The following EYS variants were observed in gnomAD, a reference collection of about 807,000 sequenced individuals.
EYS encodes the protein protein eyes shut homolog.
A neutral mutation model predicts 282.1 loss-of-function variants in EYS; 250 were observed. The observed-to-expected ratio is 0.89, with a 90% CI of 0.80 to 0.98. The LOEUF is 0.98. Ranked by LOEUF, EYS falls within the 50% of genes least tolerant of loss-of-function variation. The pLI, the probability that EYS is intolerant of heterozygous loss-of-function variation, is 0.00. For synonymous variants in EYS, 1,355 were observed against 1,282.9 expected, an observed-to-expected ratio of 1.06 and a Z score of -1.20; for missense variants, 4,016 against 3,709.0, an observed-to-expected ratio of 1.08 and a Z score of -2.15.
chr6:64,520,620 C>CA (rs956906836), intron 26 of EYS, among the ~76,000 whole-genome samples: 39 of 150,148 alleles, frequency 2.6e-4, no homozygotes, highest in Non-Finnish European at 4.6e-4. Flanking sequence ...TTGAGAATGA[C>CA]AAAAAAAAAT....
At chr6:64,732,091 C>T (rs1469061593) in intron 22 of EYS, among the ~76,000 whole-genome samples, 1 of 151,846 alleles carries the variant, frequency 6.6e-6, no homozygotes, top group Non-Finnish European at 1.5e-5. Context: ...TGTTCTCACT[C>T]ATAAGTGGGA....
chr6:64,925,245 T>G (rs1308095206), intron 15 of EYS, among the ~76,000 whole-genome samples: 1 of 152,142 alleles, frequency 6.6e-6, no homozygotes. Flanking sequence ...ACTTAATCAC[T>G]ATCACAAGAA....
chr6:64,380,427 G>GA (rs1190104266), intron 29 of EYS, among the ~76,000 whole-genome samples: 2 of 151,998 alleles, frequency 1.3e-5, no homozygotes, highest in African/African-American at 4.8e-5. Flanking sequence ...ATTTTTCACA[G>GA]AAAAATAAGT....
intron 31 of EYS, among the ~76,000 whole-genome samples, chr6:64,220,511 C>G (rs1766067784): frequency 6.6e-6 from 1 of 152,128 alleles, no homozygotes; most frequent in Non-Finnish European, 1.5e-5. Flanking sequence ...GGGTAGTTCC[C>G]TTAGCTAAAC....
intron 13 of EYS, among the ~76,000 whole-genome samples, chr6:65,056,254 A>T (rs994962133): frequency 6.6e-6 from 1 of 151,168 alleles, no homozygotes; most frequent in Non-Finnish European, 1.5e-5. Flanking sequence ...TTCTGGCATT[A>T]CAATATTATT....
At chr6:65,407,744 C>T (rs1352567597) in intron 5 of EYS, among the ~76,000 whole-genome samples, 1 of 144,124 alleles carries the variant, frequency 6.9e-6, no homozygotes, top group African/African-American at 2.6e-5. Flanking sequence ...CTAATAAGTC[C>T]GTGTGTGTGT....
At chr6:65,261,324 T>A (rs753013571) in intron 12 of EYS, among the ~76,000 whole-genome samples, 14 of 151,908 alleles carry the variant, frequency 9.2e-5, no homozygotes, top group Non-Finnish European at 1.8e-4. Context: ...CATATATATG[T>A]CTGATATAAT....
chr6:64,721,953 T>C (rs1243015437), intron 22 of EYS, among the ~76,000 whole-genome samples: 1 of 152,150 alleles, frequency 6.6e-6, no homozygotes, highest in East Asian at 1.9e-4. Context: ...ATGCAGTCAG[T>C]TTATTCAAAC....
At chr6:65,276,206 C>A (rs1350746664) in intron 12 of EYS, among the ~76,000 whole-genome samples, 1 of 152,086 alleles carries the variant, frequency 6.6e-6, no homozygotes, top group African/African-American at 2.4e-5. Context: ...CTTTAGAAGG[C>A]TGTATATGCT....
Position 63,720,733 on chromosome 6 carries a change from T to TA in EYS, c.9297dup (p.Thr3100TyrfsTer6). On this transcript the variant is annotated frameshift_variant, in exon 43 of 43. Coordinates refer to ENST00000503581, the MANE Select transcript of EYS (RefSeq NM_001142800.2). LOFTEE classifies it high-confidence loss of function. ...AAATTGGTTTTAAAAATCTCTTGAG[T>TA]AACGATATTTACCTTTCTACCATAT... 6.5e-7 allele frequency: 1 copy of TA among 1,549,484 alleles called. No individual in the cohort carries two copies. The highest frequency in any genetic ancestry group is 8.7e-7 in the Non-Finnish European group (1 of 1,146,058).
chr6:64,421,967 T>A (rs1774250015), intron 28 of EYS, among the ~76,000 whole-genome samples: 2 of 151,526 alleles, frequency 1.3e-5, no homozygotes, highest in Admixed American at 1.3e-4. Context: ...AAGAAACATT[T>A]CACAACAACT....
chr6:64,150,121 G>A (rs1319708690), intron 31 of EYS, among the ~76,000 whole-genome samples: 1 of 152,160 alleles, frequency 6.6e-6, no homozygotes, highest in East Asian at 1.9e-4. Flanking sequence ...TGCAGTTTTA[G>A]CATCTCCTGG....
chr6:64,156,034 GTGTGTGTTTGTGTGTGTGTA>G (rs1353050134), intron 31 of EYS, among the ~76,000 whole-genome samples: 1 of 150,620 alleles, frequency 6.6e-6, no homozygotes, highest in Non-Finnish European at 1.5e-5. Context: ...GTGTGTGTGT[GTGTGTGTTTGTGTGTGTGTA>G]TGTGTGTATT....
chr6:65,607,037 TA>T (rs559637863), intron 2 of EYS, among the ~76,000 whole-genome samples: 1 of 151,788 alleles, frequency 6.6e-6, no homozygotes, highest in Non-Finnish European at 1.5e-5. Context: ...GAAAACTGAA[TA>T]ACTAATAAAA....
At chr6:64,198,635 T>C (rs1233777989) in intron 31 of EYS, among the ~76,000 whole-genome samples, 2 of 152,140 alleles carry the variant, frequency 1.3e-5, no homozygotes, top group African/African-American at 4.8e-5. Flanking sequence ...CTTCATCCAT[T>C]TCCCTGCAAA....
intron 22 of EYS, among the ~76,000 whole-genome samples, chr6:64,778,990 C>T (rs911808568): frequency 2.0e-5 from 3 of 152,106 alleles, no homozygotes; most frequent in Admixed American, 1.3e-4. Flanking sequence ...ACTGACAACA[C>T]CAAATACTGG....
At chr6:64,276,235 G>A (rs139182881) in intron 30 of EYS, among the ~76,000 whole-genome samples, 2 of 152,244 alleles carry the variant, frequency 1.3e-5, no homozygotes, top group African/African-American at 2.4e-5. Context: ...AAATAACTAA[G>A]CACTCAACCA....
intron 29 of EYS, 77 bp from the exon 30 acceptor site, chr6:64,307,159 G>T (rs2150376089): frequency 2.6e-6 from 2 of 769,132 alleles, no homozygotes; most frequent in Admixed American, 4.6e-5. Flanking sequence ...GCTTCAAACT[G>T]GTCAGGGTAT....
At chr6:65,306,668 AAAAG>A (rs1191820968) in intron 11 of EYS, among the ~76,000 whole-genome samples, 3 of 146,788 alleles carry the variant, frequency 2.0e-5, no homozygotes, top group African/African-American at 5.2e-5. Context: ...GATAAAAAAA[AAAAG>A]AAAGAAAGAA....
Sources: gnomAD v4.1 joint callset for allele counts (sites outside exome capture counted in the v4.1 genomes callset) on GRCh38, gnomAD v4.1.1 for gene constraint, MANE v1.5 for transcripts, NCBI Gene and HGNC (gene_info 2026-07-23, HGNC 2026-07-21) for gene names.